The following EGFLAM variants were observed in gnomAD, a reference collection of about 807,000 sequenced individuals.
EGFLAM encodes EGF like, fibronectin type III and laminin G domains, also known as pikachurin.
Under a neutral mutation model 113.1 loss-of-function variants are expected in EGFLAM, and 79 were observed. The observed-to-expected ratio is 0.70, with a 90% CI of 0.58 to 0.84. EGFLAM has a LOEUF of 0.84. Among genes scored for constraint, EGFLAM ranks in the 40% least tolerant of loss-of-function variants. The pLI is 0.00. For synonymous variants in EGFLAM, 504 were observed against 487.6 expected, an observed-to-expected ratio of 1.03 and a Z score of -0.44; for missense variants, 1,265 against 1,291.6, an observed-to-expected ratio of 0.98 and a Z score of 0.32.
intron 1 of EGFLAM, among the ~76,000 whole-genome samples, chr5:38,322,850 C>T (rs911708245): frequency 1.3e-5 from 2 of 152,156 alleles, no homozygotes; most frequent in Non-Finnish European, 2.9e-5. Flanking sequence ...ACTCTTCCTG[C>T]TGCTCCTTAG....
At chr5:38,270,684 T>C (rs1757744410) in intron 1 of EGFLAM, among the ~76,000 whole-genome samples, 2 of 152,228 alleles carry the variant, frequency 1.3e-5, no homozygotes, top group Non-Finnish European at 2.9e-5. Flanking sequence ...GAGTAGTTTC[T>C]TTATGCCTTA....
In EGFLAM at chr5:38,361,315, G is replaced by T. The variant is rs142242244; in HGVS notation, c.546-8981G>T. On this transcript the variant is annotated intron_variant, in intron 5 of 21. Coordinates refer to ENST00000322350, the MANE Select transcript of EGFLAM (RefSeq NM_152403.4). ...ACTACGTTCCTCTACTCCCAGATTA[G>T]GTTAGCTATACCTCCAACATTTACT... Among the ~76,000 whole-genome samples the T allele has an allele frequency of 9.9e-5, 15 of 152,232 alleles. No homozygotes were observed. The East Asian group carries it at 2.5e-3, about 25-fold the overall frequency.
chr5:38,386,626 C>G (rs1178461787), intron 6 of EGFLAM, among the ~76,000 whole-genome samples: 3 of 152,112 alleles, frequency 2.0e-5, no homozygotes, highest in Non-Finnish European at 4.4e-5. Flanking sequence ...CCTGCCTCAG[C>G]CTCCCAAGTA....
chr5:38,430,046 G>A (rs1742140094), intron 14 of EGFLAM: 2 of 225,478 alleles, frequency 8.9e-6, no homozygotes, highest in Admixed American at 4.1e-5. Flanking sequence ...ATATCCGGTG[G>A]CTGTAGGGGC....
chr5:38,394,070 CATCT>C (rs781154078), intron 6 of EGFLAM, among the ~76,000 whole-genome samples: 66 of 152,152 alleles, frequency 4.3e-4, no homozygotes, highest in Non-Finnish European at 8.7e-4. Context: ...TGAAGTTAGC[CATCT>C]ATCTATCCAT....
chr5:38,451,651 T>A (rs997126296), intron 19 of EGFLAM, 193 bp downstream of exon 19: 17 of 805,420 alleles, frequency 2.1e-5, no homozygotes, highest in African/African-American at 3.5e-5. Flanking sequence ...GTCAGCAAAC[T>A]ATGGCCTGCA....
At chr5:38,444,375 GAAAT>G (rs1328553388) in intron 17 of EGFLAM, among the ~76,000 whole-genome samples, 1 of 152,148 alleles carries the variant, frequency 6.6e-6, no homozygotes, top group African/African-American at 2.4e-5. Context: ...GGAGATAGGA[GAAAT>G]AAATTCTGGT....
At chr5:38,408,331 C>T (rs986328642) in intron 9 of EGFLAM, among the ~76,000 whole-genome samples, 2 of 152,350 alleles carry the variant, frequency 1.3e-5, no homozygotes, top group South Asian at 2.1e-4. Context: ...TTTCTTTACG[C>T]AAGCCTTGCT....
At chr5:38,405,959 T>G (rs1741269991) in intron 6 of EGFLAM, 167 bp from the exon 7 acceptor site, 2 of 629,598 alleles carry the variant, frequency 3.2e-6, no homozygotes, top group Non-Finnish European at 5.7e-6. Context: ...GAAACTTTTT[T>G]TATATCTTTT....
intron 5 of EGFLAM, among the ~76,000 whole-genome samples, chr5:38,352,935 A>G (rs1328469123): frequency 6.6e-6 from 1 of 152,198 alleles, no homozygotes; most frequent in Non-Finnish European, 1.5e-5. Context: ...GCCTGCCTAC[A>G]TTTCAAGCAT....
At chr5:38,343,681 T>C (rs1198254800) in intron 3 of EGFLAM, among the ~76,000 whole-genome samples, 5 of 152,142 alleles carry the variant, frequency 3.3e-5, no homozygotes, top group Non-Finnish European at 5.9e-5. Context: ...CCTCAGTGCA[T>C]TGGAGGAAGG....
chr5:38,301,770 T>C (rs1758585915), intron 1 of EGFLAM, among the ~76,000 whole-genome samples: 1 of 152,098 alleles, frequency 6.6e-6, no homozygotes, highest in Non-Finnish European at 1.5e-5. Flanking sequence ...TACGTTAAGG[T>C]TGAAACTTGT....
chr5:38,377,566 A>G (rs940243781), intron 6 of EGFLAM, among the ~76,000 whole-genome samples: 3 of 152,222 alleles, frequency 2.0e-5, no homozygotes, highest in Non-Finnish European at 4.4e-5. Context: ...GTGATTGGAT[A>G]ACTCCCTACT....
intron 10 of EGFLAM, among the ~76,000 whole-genome samples, chr5:38,409,738 C>G (rs574989602): frequency 2.0e-5 from 3 of 152,306 alleles, no homozygotes; most frequent in Middle Eastern, 3.4e-3. Context: ...CTCCAACCTC[C>G]TATGGGCTTA....
intron 1 of EGFLAM, among the ~76,000 whole-genome samples, chr5:38,291,281 C>A (rs1032797882): frequency 1.3e-5 from 2 of 152,198 alleles, no homozygotes; most frequent in African/African-American, 4.8e-5. Flanking sequence ...TGTAAATGTG[C>A]ACACAATATC....
intron 19 of EGFLAM, among the ~76,000 whole-genome samples, chr5:38,453,280 T>C (rs1172636548): frequency 6.6e-6 from 1 of 152,210 alleles, no homozygotes; most frequent in African/African-American, 2.4e-5. Flanking sequence ...CTCAAGTGTT[T>C]GCTAAATGAT....
chr5:38,454,813 G>C (rs1434876162), intron 19 of EGFLAM, among the ~76,000 whole-genome samples: 1 of 152,042 alleles, frequency 6.6e-6, no homozygotes, highest in Non-Finnish European at 1.5e-5. Flanking sequence ...CTGGTTCTTT[G>C]GCTAATTTAG....
At chr5:38,305,508 A>T (rs766927824) in intron 1 of EGFLAM, 61 of 453,420 alleles carry the variant, frequency 1.3e-4, no homozygotes, top group Middle Eastern at 3.3e-4. Flanking sequence ...GAAACAGAAG[A>T]TCCAATCCAG....
chr5:38,375,060 G>GTTTT lies in EGFLAM; in HGVS notation c.712+4613_712+4616dup, dbSNP rs74821426. Among the ~76,000 whole-genome samples, 384 of 107,704 alleles carry GTTTT rather than the reference G, an allele frequency of 3.6e-3. 1 individual carries two copies. Among genetic ancestry groups the GTTTT allele is most frequent in the African/African-American group, 0.013 (364 of 28,052 alleles). 70.7% of individuals were successfully genotyped at this position (107,704 alleles called of 152,430 possible). ...TAGATTGTCTGTTTACTCTGTTGTTGTTTTTTTTTTTTTTTTTTGGCTGTG... is the reference window on the plus strand; with the variant it reads ...TAGATTGTCTGTTTACTCTGTTGTTGTTTTTTTTTTTTTTTTTTTTTTGGCTGTG... On this transcript the variant is annotated intron_variant, in intron 6 of 21. Coordinates refer to ENST00000322350, the MANE Select transcript of EGFLAM (RefSeq NM_152403.4).
Sources: gnomAD v4.1 joint callset for allele counts (sites outside exome capture counted in the v4.1 genomes callset) on GRCh38, gnomAD v4.1.1 for gene constraint, MANE v1.5 for transcripts, NCBI Gene and HGNC (gene_info 2026-07-23, HGNC 2026-07-21) for gene names.